Variants in LYN observed in about 807,000 individuals in gnomAD.
LYN encodes the protein tyrosine-protein kinase Lyn.
Under a neutral mutation model 65.0 loss-of-function variants are expected in LYN, and 12 were observed. The observed-to-expected ratio is 0.18, with a 90% CI of 0.12 to 0.30. The LOEUF (loss-of-function observed/expected upper bound fraction) is 0.30. Among genes scored for constraint, LYN ranks in the 10% least tolerant of loss-of-function variants. The pLI is 1.00. For synonymous variants in LYN, 222 were observed against 221.2 expected, an observed-to-expected ratio of 1.00 and a Z score of -0.03; for missense variants, 380 against 623.2, an observed-to-expected ratio of 0.61 and a Z score of 4.16.
intron 1 of LYN, among the ~76,000 whole-genome samples, chr8:55,941,637 G>T (rs531300790): frequency 6.6e-6 from 1 of 152,292 alleles, no homozygotes; most frequent in Non-Finnish European, 1.5e-5. Context: ...GCTGGATTTT[G>T]TCTGGGTGAT....
At chr8:55,918,202 T>G (rs924295705) in intron 1 of LYN, among the ~76,000 whole-genome samples, 1 of 152,202 alleles carries the variant, frequency 6.6e-6, no homozygotes, top group African/African-American at 2.4e-5. Context: ...TGTGGCTGTT[T>G]CCTTCCACAA....
intron 1 of LYN, among the ~76,000 whole-genome samples, chr8:55,889,015 C>A (rs73604846): frequency 0.034 from 5,159 of 151,976 alleles, 272 homozygotes; most frequent in African/African-American, 0.12. Context: ...GTATTTCTTT[C>A]TTTATTTATT....
intron 1 of LYN, among the ~76,000 whole-genome samples, chr8:55,910,259 C>G (rs1401421143): frequency 6.6e-6 from 1 of 152,056 alleles, no homozygotes; most frequent in Non-Finnish European, 1.5e-5. Flanking sequence ...AGATTTTCTT[C>G]TAGTATTTTT....
At chr8:55,920,099 A>G (rs1805902353) in intron 1 of LYN, among the ~76,000 whole-genome samples, 2 of 152,228 alleles carry the variant, frequency 1.3e-5, no homozygotes, top group South Asian at 4.1e-4. Context: ...TCTGCCAAAT[A>G]TGTGAGCATG....
rs869260792 is a variant in LYN, at chr8:55,905,415, AAAAGAAAG to A, written c.-6+25334_-6+25341del. 5.6e-3 allele frequency among the ~76,000 whole-genome samples: 24 copies of A among 4,258 alleles called. 1 individual carries two copies. In the East Asian group the frequency reaches 0.38, roughly 67 times the overall value. The allele number at this position is 4,258 out of a possible 152,430, so 2.8% of individuals were successfully genotyped here. On this transcript the variant is annotated intron_variant, in intron 1 of 12. Transcript: ENST00000519728. The stretch of plus-strand genomic sequence containing the variant: ...CAAGAGTGAAACTCCGTCTCAAAAA[AAAAGAAAG>A]AAAGAAAGAAAGAAAGAAAGACAAA...
intron 1 of LYN, among the ~76,000 whole-genome samples, chr8:55,888,942 C>T (rs1433318474): frequency 2.6e-5 from 4 of 152,140 alleles, no homozygotes; most frequent in African/African-American, 7.2e-5. Flanking sequence ...ACCACACTGG[C>T]TTTTTGTATT....
At chr8:55,931,155 T>A (rs1367917198) in intron 1 of LYN, among the ~76,000 whole-genome samples, 1 of 147,058 alleles carries the variant, frequency 6.8e-6, no homozygotes, top group Non-Finnish European at 1.5e-5. Context: ...ATTATATTTT[T>A]AAATAAAATA....
chr8:56,012,372 G>A lies in LYN; in HGVS notation c.*2262G>A, dbSNP rs886929048. 1.7e-5 allele frequency: 3 copies of A among 178,806 alleles called. No individual in the cohort carries two copies. Among genetic ancestry groups the A allele is most frequent in the East Asian group, 9.3e-5 (1 of 10,766 alleles). The allele number at this position is 178,806 out of a possible 1,614,324, so 11.1% of individuals were successfully genotyped here. ...AAAGACAGAATCCATACTCCCTACC[G>A]CCAAGATTCTGACTTAGCTGTTGTG... is the stretch of plus-strand genomic sequence containing the variant. On this transcript the variant is annotated 3_prime_UTR_variant, in exon 13 of 13. Coordinates refer to ENST00000519728, the MANE Select transcript of LYN (RefSeq NM_002350.4).
intron 1 of LYN, among the ~76,000 whole-genome samples, chr8:55,885,051 T>TCTCCCCACTTCATTCC (rs1804755035): frequency 6.6e-6 from 1 of 152,238 alleles, no homozygotes; most frequent in Non-Finnish European, 1.5e-5. Flanking sequence ...CCCCTTCTTC[T>TCTCCCCACTTCATTCC]GCTCTCCCCA....
chr8:55,947,638 A>G lies in LYN; in HGVS notation c.199A>G (p.Ile67Val). 6.2e-7 allele frequency: 1 copy of G among 1,613,258 alleles called. No homozygotes were observed. Among genetic ancestry groups the G allele is most frequent in the Non-Finnish European group, 8.5e-7 (1 of 1,179,198 alleles). ...TTTAGATCCAGAGGAACAAGGAGAC[A>G]TTGTGGTAGCCTTGTACCCCTATGA... is the stretch of plus-strand genomic sequence containing the variant. ...QTKDPEEQGD[I>V]VVALYPYDGI... Residue 67 changes from isoleucine (I) to valine (V), a missense_variant, in exon 4 of 13, where the codon ATT becomes GTT. Physicochemically the swap from Ile to Val is conservative, Grantham distance 29. Around this residue, in one of 2 missense-constraint regions of LYN, gnomAD observed 157 missense variants for 193.2 expected, o/e 0.81. Transcript: ENST00000519728.
intron 1 of LYN, among the ~76,000 whole-genome samples, chr8:55,931,981 G>T (rs1328662024): frequency 6.6e-6 from 1 of 152,146 alleles, no homozygotes; most frequent in Non-Finnish European, 1.5e-5. Flanking sequence ...GAAATTGTAA[G>T]TGACCAAATC....
intron 10 of LYN, among the ~76,000 whole-genome samples, chr8:55,986,639 C>T (rs1206234774): frequency 6.6e-6 from 1 of 152,190 alleles, no homozygotes; most frequent in Non-Finnish European, 1.5e-5. Context: ...TCCACCAGCC[C>T]TAAGCTTGGA....
chr8:55,890,727 AT>A (rs59069585), intron 1 of LYN, among the ~76,000 whole-genome samples: 62,912 of 143,786 alleles, frequency 0.44, 13,293 homozygotes, highest in Middle Eastern at 0.55. Context: ...GTACATTGGA[AT>A]TTTTTTTTTT....
At chr8:55,930,846 T>G (rs1237975581) in intron 1 of LYN, among the ~76,000 whole-genome samples, 7 of 152,104 alleles carry the variant, frequency 4.6e-5, no homozygotes, top group Admixed American at 4.6e-4. Flanking sequence ...GCAGGGCCTG[T>G]TTCTTTTACC....
rs774100994 is a variant in LYN, at chr8:55,942,008, AG to A, written c.132+21del. The A allele has an allele frequency of 6.2e-7, 1 of 1,612,048 alleles. No homozygotes were observed. The highest frequency in any genetic ancestry group is 8.5e-7 in the Non-Finnish European group (1 of 1,179,348). ...CAAAGGCCAGTAAGTAGATAGTCTC[AG>A]GGGAGAATTCCCACAGCAAGATCAA... On this transcript the variant is annotated intron_variant, in intron 2 of 12. Transcript: ENST00000519728.
At chr8:55,883,577 A>G (rs186365094) in intron 1 of LYN, among the ~76,000 whole-genome samples, 195 of 152,328 alleles carry the variant, frequency 1.3e-3, no homozygotes, top group Non-Finnish European at 2.2e-3. Flanking sequence ...TTAATACAGA[A>G]GTACCTGAGT....
At chr8:55,959,976 T>G (rs559118518) in intron 8 of LYN, among the ~76,000 whole-genome samples, 1 of 152,308 alleles carries the variant, frequency 6.6e-6, no homozygotes, top group Admixed American at 6.5e-5. Context: ...AATCTAGAGT[T>G]AGAAAGTAGA....
intron 10 of LYN, among the ~76,000 whole-genome samples, chr8:55,987,667 C>T (rs192353776): frequency 6.6e-6 from 1 of 152,122 alleles, no homozygotes; most frequent in African/African-American, 2.4e-5. Context: ...CCACCCACCT[C>T]GTCCTCCCAA....
At chr8:55,895,155 T>A (rs1183855761) in intron 1 of LYN, among the ~76,000 whole-genome samples, 1 of 152,112 alleles carries the variant, frequency 6.6e-6, no homozygotes, top group Non-Finnish European at 1.5e-5. Flanking sequence ...CCACAGTTCC[T>A]GATGCTTGGC....
Sources: gnomAD v4.1 joint callset for allele counts (sites outside exome capture counted in the v4.1 genomes callset) on GRCh38, gnomAD v4.1.1 for gene constraint, gnomAD v4.1.1 regional missense constraint, MANE v1.5 for transcripts, NCBI Gene and HGNC (gene_info 2026-07-23, HGNC 2026-07-21) for gene names.